CTNNAL1: variants seen among roughly 807,000 people sequenced by gnomAD.
CTNNAL1 encodes alpha-catulin.
CTNNAL1 carries 69 observed loss-of-function variants against 93.6 expected under a neutral mutation model. That is an observed-to-expected ratio of 0.74 (90% CI 0.61 to 0.90). The LOEUF is 0.90. Among genes scored for constraint, CTNNAL1 ranks in the 40% least tolerant of loss-of-function variants. CTNNAL1 has a pLI of 0.00. For synonymous variants in CTNNAL1, 286 were observed against 305.4 expected, an observed-to-expected ratio of 0.94 and a Z score of 0.66; for missense variants, 836 against 862.0, an observed-to-expected ratio of 0.97 and a Z score of 0.38.
At chr9:108,958,065 A>T (rs1307475543) in intron 11 of CTNNAL1, among the ~76,000 whole-genome samples, 1 of 33,390 alleles carries the variant, frequency 3.0e-5, no homozygotes, top group Non-Finnish European at 6.7e-5. Flanking sequence ...GACTGTCTCA[A>T]AAAAAAAAAA....
intron 8 of CTNNAL1, among the ~76,000 whole-genome samples, chr9:108,975,805 C>T (rs2132138387): frequency 6.6e-6 from 1 of 152,214 alleles, no homozygotes; most frequent in South Asian, 2.1e-4. Context: ...GACAGTAGGT[C>T]CACAGATGGG....
chr9:108,990,914 T>C, intron 3 of CTNNAL1, 69 bp from the exon 4 acceptor site: 12 of 1,514,780 alleles, frequency 7.9e-6, no homozygotes, highest in African/African-American at 1.4e-5. Context: ...CAAGGCTGAG[T>C]AGAGAGAAGA....
chr9:109,012,585 T>C lies in CTNNAL1; in HGVS notation c.141+717A>G, dbSNP rs1375823553. ...AAACTCAGGGCGTCGGTTAGCTGAT[T>C]GGCAAATACAGTAACGCACACATCC... On this transcript the variant is annotated intron_variant, in intron 1 of 18. Transcript: ENST00000325551. Among the ~76,000 whole-genome samples, 3 of 152,290 alleles carry C rather than the reference T, an allele frequency of 2.0e-5. No individual in the cohort carries two copies. The South Asian group carries it at 6.2e-4, about 32-fold the overall frequency.
chr9:108,998,700 A>C (rs1193407103), intron 2 of CTNNAL1, among the ~76,000 whole-genome samples: 1 of 152,208 alleles, frequency 6.6e-6, no homozygotes, highest in Non-Finnish European at 1.5e-5. Flanking sequence ...AGTCACTATG[A>C]TTTGTTTGCT....
chr9:108,992,079 G>A (rs756717305), intron 3 of CTNNAL1: 3 of 765,876 alleles, frequency 3.9e-6, no homozygotes, highest in Middle Eastern at 2.3e-4. Flanking sequence ...TGATTTGGGA[G>A]GGAAAAAAAG....
At position 108,984,383 on chromosome 9, in the gene CTNNAL1, A is replaced by G; in HGVS notation, c.693T>C (p.Leu231=). The stretch of plus-strand genomic sequence containing the variant: ...TGAGAAGCATCATTGTACACTTTTC[A>G]AGAACTGCCCTAGCTGCTGCCATTT... ...KAKMAAARAV[L]EKCTMMLLTA... is the part of the protein sequence containing the mutation. The change falls in exon 5 of 19, where the codon CTT becomes CTC. Residue 231 remains leucine (L), a synonymous_variant. Transcript: ENST00000325551. 1 of 1,612,588 alleles carries G rather than the reference A, an allele frequency of 6.2e-7. No individual in the cohort carries two copies. The highest frequency in any genetic ancestry group is 8.5e-7 in the Non-Finnish European group (1 of 1,178,888).
At chr9:109,002,171 G>C (rs1178730795) in intron 1 of CTNNAL1, among the ~76,000 whole-genome samples, 3 of 152,148 alleles carry the variant, frequency 2.0e-5, no homozygotes. Flanking sequence ...AGGCTGGGAA[G>C]TCCAGGATCA....
At chr9:109,001,552 C>T (rs543474825) in intron 1 of CTNNAL1, among the ~76,000 whole-genome samples, 2 of 152,338 alleles carry the variant, frequency 1.3e-5, no homozygotes, top group African/African-American at 2.4e-5. Flanking sequence ...ATCTTACTCA[C>T]TCACTCACTC....
intron 15 of CTNNAL1, among the ~76,000 whole-genome samples, chr9:108,946,944 A>G (rs2132081581): frequency 6.6e-6 from 1 of 152,290 alleles, no homozygotes; most frequent in East Asian, 1.9e-4. Context: ...CAGAATTTCA[A>G]CTATCTTAAG....
chr9:108,998,137 T>G (rs1832089537), intron 2 of CTNNAL1, among the ~76,000 whole-genome samples: 1 of 152,208 alleles, frequency 6.6e-6, no homozygotes, highest in Non-Finnish European at 1.5e-5. Context: ...AGTTCTCAAC[T>G]GGGGGCCATT....
chr9:108,994,834 G>C (rs939173209), intron 2 of CTNNAL1, among the ~76,000 whole-genome samples: 1 of 152,218 alleles, frequency 6.6e-6, no homozygotes, highest in Non-Finnish European at 1.5e-5. Context: ...CTCTCTCTGA[G>C]AGAAGCCAGT....
At chr9:109,002,718 T>C (rs188155990) in intron 1 of CTNNAL1, among the ~76,000 whole-genome samples, 49 of 152,210 alleles carry the variant, frequency 3.2e-4, no homozygotes, top group African/African-American at 7.9e-4. Context: ...CATGGTGGCT[T>C]ACGCCTATAA....
intron 1 of CTNNAL1, among the ~76,000 whole-genome samples, chr9:109,010,971 A>G (rs1827187187): frequency 6.6e-6 from 1 of 152,250 alleles, no homozygotes; most frequent in Admixed American, 6.5e-5. Context: ...CAACTAGAAT[A>G]TAAGCCCCTC....
chr9:108,989,470 T>C (rs891771203), intron 4 of CTNNAL1, among the ~76,000 whole-genome samples: 1 of 152,074 alleles, frequency 6.6e-6, no homozygotes, highest in Non-Finnish European at 1.5e-5. Flanking sequence ...CCATTGGTAT[T>C]ACAAACCAAT....
At chr9:109,000,565 T>G (rs1826768436) in intron 1 of CTNNAL1, among the ~76,000 whole-genome samples, 1 of 152,282 alleles carries the variant, frequency 6.6e-6, no homozygotes. Flanking sequence ...ATATAAAGTA[T>G]CTGTGTAGCT....
At chr9:109,004,795 AAATAAAT>A (rs1826965741) in intron 1 of CTNNAL1, among the ~76,000 whole-genome samples, 1 of 137,708 alleles carries the variant, frequency 7.3e-6, no homozygotes, top group African/African-American at 2.5e-5. Flanking sequence ...TGAAAAAAAT[AAATAAAT>A]AAATAAATAA....
At chr9:109,004,389 C>T (rs1410040465) in intron 1 of CTNNAL1, among the ~76,000 whole-genome samples, 3 of 152,168 alleles carry the variant, frequency 2.0e-5, no homozygotes, top group African/African-American at 7.2e-5. Flanking sequence ...GGAAGTTGGA[C>T]ATCAAGAAGT....
chr9:108,989,394 T>G (rs1050365675), intron 4 of CTNNAL1, among the ~76,000 whole-genome samples: 12 of 152,122 alleles, frequency 7.9e-5, no homozygotes, highest in Admixed American at 6.6e-4. Flanking sequence ...GAAAGAAAAT[T>G]TGTTTTATAA....
intron 2 of CTNNAL1, among the ~76,000 whole-genome samples, chr9:108,994,596 A>C (rs1587983189): frequency 6.6e-6 from 1 of 152,224 alleles, no homozygotes; most frequent in Non-Finnish European, 1.5e-5. Flanking sequence ...GGTAATGCAG[A>C]CTTGGATGTC....
Sources: gnomAD v4.1 joint callset for allele counts (sites outside exome capture counted in the v4.1 genomes callset) on GRCh38, gnomAD v4.1.1 for gene constraint, MANE v1.5 for transcripts, NCBI Gene and HGNC (gene_info 2026-07-23, HGNC 2026-07-21) for gene names.